The following MAPK10 variants were observed in gnomAD, a reference collection of about 807,000 sequenced individuals.
The protein encoded by MAPK10 is JNK3 alpha protein kinase.
Under a neutral mutation model 59.3 loss-of-function variants are expected in MAPK10, and 25 were observed. The ratio of observed to expected loss-of-function variants is 0.42; its 90% CI spans 0.31 to 0.59. The LOEUF (loss-of-function observed/expected upper bound fraction) is 0.59, where lower values mean the gene tolerates loss of function less well. Ranked by LOEUF, MAPK10 falls within the 20% of genes least tolerant of loss-of-function variation. The pLI is 0.15. For synonymous variants in MAPK10, 190 were observed against 200.5 expected, an observed-to-expected ratio of 0.95 and a Z score of 0.44; for missense variants, 351 against 568.9, an observed-to-expected ratio of 0.62 and a Z score of 3.90.
At chr4:86,229,564 G>A (rs557342680) in intron 2 of MAPK10, among the ~76,000 whole-genome samples, 37 of 152,130 alleles carry the variant, frequency 2.4e-4, no homozygotes, top group African/African-American at 8.7e-4. Context: ...AAACTAATAT[G>A]GCCTGTGTTA....
chr4:86,337,799 A>AT (rs1722419399), intron 2 of MAPK10, among the ~76,000 whole-genome samples: 1 of 152,182 alleles, frequency 6.6e-6, no homozygotes, highest in South Asian at 2.1e-4. Flanking sequence ...CTAGCACTCA[A>AT]GGCTCCATTG....
At chr4:86,467,392 T>G (rs1752296141) in intron 1 of MAPK10, among the ~76,000 whole-genome samples, 1 of 152,230 alleles carries the variant, frequency 6.6e-6, no homozygotes, top group Non-Finnish European at 1.5e-5. Flanking sequence ...ACAGTGTATA[T>G]TTCTTTTAAA....
chr4:86,101,474 A>G (rs912844781), intron 7 of MAPK10: 2 of 427,624 alleles, frequency 4.7e-6, no homozygotes, highest in African/African-American at 3.9e-5. Context: ...AGAAAAAAAA[A>G]TATTTATTGT....
intron 4 of MAPK10, chr4:86,152,429 A>G (rs1173938598): frequency 2.0e-5 from 3 of 152,328 alleles, no homozygotes; most frequent in African/African-American, 7.2e-5. Context: ...TCAATGCTGG[A>G]TTCATAACTT....
chr4:86,241,908 C>T (rs2092744921), intron 2 of MAPK10, among the ~76,000 whole-genome samples: 1 of 152,124 alleles, frequency 6.6e-6, no homozygotes, highest in Admixed American at 6.5e-5. Flanking sequence ...AAGAGGCACT[C>T]TGGTCTTTTG....
At chr4:86,255,572 C>G (rs1324691179) in intron 2 of MAPK10, among the ~76,000 whole-genome samples, 1 of 152,186 alleles carries the variant, frequency 6.6e-6, no homozygotes, top group African/African-American at 2.4e-5. Flanking sequence ...ATATCTAACT[C>G]AAAGTACAAT....
intron 7 of MAPK10, among the ~76,000 whole-genome samples, 180 bp downstream of exon 7, chr4:86,101,714 C>T (rs2055435438): frequency 6.6e-6 from 1 of 152,174 alleles, no homozygotes; most frequent in Non-Finnish European, 1.5e-5. Flanking sequence ...ATTGAACAAA[C>T]TCAACTACAA....
chr4:86,416,239 A>G (rs1259161052), intron 1 of MAPK10, among the ~76,000 whole-genome samples: 3 of 152,240 alleles, frequency 2.0e-5, no homozygotes, highest in Non-Finnish European at 2.9e-5. Context: ...GCAAGAAGGC[A>G]GGCATCTGCA....
chr4:86,153,998 C>T (rs2067101376), intron 4 of MAPK10, among the ~76,000 whole-genome samples: 2 of 152,060 alleles, frequency 1.3e-5, no homozygotes. Context: ...TTCCACTGGT[C>T]AGGGGCTAAA....
chr4:86,387,585 G>T (rs1579022861), intron 1 of MAPK10, among the ~76,000 whole-genome samples: 2 of 152,104 alleles, frequency 1.3e-5, no homozygotes, highest in South Asian at 4.1e-4. Flanking sequence ...AATAGCTGAC[G>T]CTGCCTCACC....
rs557337411 is a variant in MAPK10 at position 86,473,875 on chromosome 4, C to T, written c.-262-119231G>A. 3.0e-4 allele frequency among the ~76,000 whole-genome samples: 46 copies of T among 152,218 alleles called. No individual in the cohort carries two copies. The East Asian group carries it at 6.4e-3, about 21-fold the overall frequency. On this transcript the variant is annotated intron_variant, in intron 1 of 4. Transcript: ENST00000502302. ...CTCCAGGCATGAGAGTCTAGCTGGACGCTGTGGTTCATGCCTGTAATCTCA... is the reference window on the plus strand; with the variant it reads ...CTCCAGGCATGAGAGTCTAGCTGGATGCTGTGGTTCATGCCTGTAATCTCA...
intron 1 of MAPK10, among the ~76,000 whole-genome samples, chr4:86,396,117 G>A (rs968852253): frequency 2.8e-4 from 42 of 152,182 alleles, no homozygotes; most frequent in African/African-American, 8.0e-4. Flanking sequence ...AGGCCGAGGC[G>A]GGTGGATCAC....
intron 2 of MAPK10, among the ~76,000 whole-genome samples, chr4:86,344,152 A>G (rs1043392947): frequency 6.6e-6 from 1 of 152,148 alleles, no homozygotes; most frequent in Non-Finnish European, 1.5e-5. Flanking sequence ...AGCTGAGTTT[A>G]GAGACAGGGT....
At chr4:86,114,946 C>T (rs1232769917) in intron 4 of MAPK10, among the ~76,000 whole-genome samples, 2 of 152,242 alleles carry the variant, frequency 1.3e-5, no homozygotes, top group Non-Finnish European at 2.9e-5. Flanking sequence ...AGTCTGGCCA[C>T]GATCTGCCAC....
At chr4:86,176,494 T>C (rs557901401) in intron 3 of MAPK10, among the ~76,000 whole-genome samples, 1 of 152,152 alleles carries the variant, frequency 6.6e-6, no homozygotes, top group Admixed American at 6.6e-5. Flanking sequence ...CTTTTTGTGC[T>C]TCAAGCAAAT....
chr4:86,342,222 T>C (rs1390725855), intron 2 of MAPK10, among the ~76,000 whole-genome samples: 1 of 152,126 alleles, frequency 6.6e-6, no homozygotes. Flanking sequence ...ATAAAAATAA[T>C]GAGATACAAT....
intron 1 of MAPK10, among the ~76,000 whole-genome samples, chr4:86,420,623 A>G (rs191454216): frequency 6.6e-6 from 1 of 152,192 alleles, no homozygotes; most frequent in East Asian, 1.9e-4. Context: ...CACCAACTCT[A>G]CAAAAAATAC....
intron 1 of MAPK10, among the ~76,000 whole-genome samples, chr4:86,522,149 G>A (rs1196265176): frequency 6.6e-6 from 1 of 152,186 alleles, no homozygotes; most frequent in Non-Finnish European, 1.5e-5. Flanking sequence ...TGTGTGTTCA[G>A]AGTCTGACTT....
intron 4 of MAPK10, among the ~76,000 whole-genome samples, chr4:86,158,613 A>T (rs911029852): frequency 6.6e-6 from 1 of 151,936 alleles, no homozygotes; most frequent in Non-Finnish European, 1.5e-5. Flanking sequence ...TAATAAGTTT[A>T]TATTAAATAC....
Sources: gnomAD v4.1 joint callset for allele counts (sites outside exome capture counted in the v4.1 genomes callset) on GRCh38, gnomAD v4.1.1 for gene constraint, MANE v1.5 for transcripts, NCBI Gene and HGNC (gene_info 2026-07-23, HGNC 2026-07-21) for gene names.